GNB5: variants seen among roughly 807,000 people sequenced by gnomAD.
GNB5 encodes G protein subunit beta 5.
In GNB5, 37 loss-of-function variants were observed where a neutral mutation model predicts 55.3. That is an observed-to-expected ratio of 0.67 (90% confidence interval 0.51 to 0.88). The LOEUF is 0.88. Among genes scored for constraint, GNB5 ranks in the 40% least tolerant of loss-of-function variants. GNB5 has a pLI of 0.00. For missense variants in GNB5, 476 were observed against 515.3 expected (o/e 0.92, Z 0.74); for synonymous variants, 219 against 198.5 (o/e 1.10, Z -0.87).
intron 5 of GNB5, 39 bp from the exon 6 acceptor site, chr15:52,147,574 A>G: frequency 9.0e-7 from 1 of 1,108,970 alleles, no homozygotes. Flanking sequence ...GCACTTCCAC[A>G]CAAAAATCTT....
chr15:52,174,463 G>A (rs1047034687), intron 3 of GNB5, among the ~76,000 whole-genome samples: 3 of 152,130 alleles, frequency 2.0e-5, no homozygotes, highest in Non-Finnish European at 2.9e-5. Context: ...TGGGAGGAAG[G>A]GGAAAATGGG....
intron 3 of GNB5, among the ~76,000 whole-genome samples, chr15:52,178,979 G>A (rs1010800024): frequency 1.3e-5 from 2 of 152,220 alleles, no homozygotes; most frequent in Admixed American, 6.5e-5. Flanking sequence ...AAGCTCTGCT[G>A]AGGAGGAGCC....
chr15:52,177,352 A>C (rs2141237511), intron 3 of GNB5, among the ~76,000 whole-genome samples: 1 of 152,116 alleles, frequency 6.6e-6, no homozygotes, highest in South Asian at 2.1e-4. Flanking sequence ...TCTCTTAAAA[A>C]TAAAGATGAA....
At chr15:52,143,147 T>C (rs1350980267) in intron 6 of GNB5, among the ~76,000 whole-genome samples, 2 of 149,958 alleles carry the variant, frequency 1.3e-5, no homozygotes, top group African/African-American at 2.4e-5. Context: ...AGAGTGAGAT[T>C]CTTTGACTAA....
In GNB5 at chr15:52,116,897, C is replaced by G. The variant is rs1331975262; in HGVS notation, c.*5860G>C. 6.6e-6 allele frequency: 1 copy of G among 150,554 alleles called. No homozygotes were observed. The highest frequency in any genetic ancestry group is 1.5e-5 in the Non-Finnish European group (1 of 67,842). The allele number at this position is 150,554 out of a possible 1,614,324, so 9.3% of individuals were successfully genotyped here. Reference sequence around the variant, plus strand: ...CATTATGTAATCCTCCTCATTTTTTCCTTTAAAAACCTTTGTTTTTCTTTT... The same window carrying G: ...CATTATGTAATCCTCCTCATTTTTTGCTTTAAAAACCTTTGTTTTTCTTTT... On this transcript the variant is annotated 3_prime_UTR_variant, in exon 13 of 13. Coordinates refer to ENST00000261837, the MANE Select transcript of GNB5 (RefSeq NM_016194.4).
intron 9 of GNB5, among the ~76,000 whole-genome samples, chr15:52,130,972 T>C (rs1208829630): frequency 1.3e-5 from 2 of 152,220 alleles, no homozygotes; most frequent in Non-Finnish European, 2.9e-5. Flanking sequence ...ATTACAGTCA[T>C]GTGCCACCAC....
intron 6 of GNB5, among the ~76,000 whole-genome samples, chr15:52,145,589 G>A (rs1323360563): frequency 2.0e-5 from 3 of 152,130 alleles, no homozygotes; most frequent in Admixed American, 1.3e-4. Flanking sequence ...AGGTTGCAGA[G>A]AGCCGAGATC....
intron 7 of GNB5, 56 bp from the exon 8 acceptor site, chr15:52,135,812 G>A: frequency 1.3e-6 from 2 of 1,583,196 alleles, no homozygotes; most frequent in Non-Finnish European, 1.7e-6. Flanking sequence ...TATGCCGGGG[G>A]CAGTCAATCA....
Position 52,124,559 on chromosome 15 carries a change from A to G in GNB5, c.1090T>C (p.Phe364Leu), listed in dbSNP as rs760560123. 3 of 1,613,598 alleles carry G rather than the reference A, an allele frequency of 1.9e-6. No individual in the cohort carries two copies. In the African/African-American group the frequency reaches 4.0e-5, roughly 22 times the overall value. Residue 364 changes from phenylalanine (F) to leucine (L), a missense_variant, in exon 12 of 13, where the codon TTT becomes CTT. Coordinates refer to ENST00000261837, the MANE Select transcript of GNB5 (RefSeq NM_016194.4). Reference sequence around the variant, plus strand: ...GTGCTAACGCGGTTTTCATGTCCAAACAGGATGGAGACCCGGGACCCTTTG... The same window carrying G: ...GTGCTAACGCGGTTTTCATGTCCAAGCAGGATGGAGACCCGGGACCCTTTG... ...VLKGSRVSIL[F>L]GHENRVSTLR... is the part of the protein sequence containing the mutation.
intron 7 of GNB5, among the ~76,000 whole-genome samples, chr15:52,139,429 C>A (rs2033800724): frequency 6.6e-6 from 1 of 152,124 alleles, no homozygotes; most frequent in Non-Finnish European, 1.5e-5. Context: ...GTACTCCAGC[C>A]TGGGTACTAG....
chr15:52,164,678 CAA>C (rs1447211994), intron 3 of GNB5, among the ~76,000 whole-genome samples: 2 of 151,818 alleles, frequency 1.3e-5, no homozygotes, highest in Non-Finnish European at 2.9e-5. Flanking sequence ...ACATCATCAT[CAA>C]AAAGACTCCA....
chr15:52,146,785 A>T lies in GNB5; in HGVS notation c.494+674T>A, dbSNP rs2033986028. ...TGTAGAGACAAGGTATTATTATCAC[A>T]TTGCCCAAGCTGGTCTCGAACTCCT... On this transcript the variant is annotated intron_variant, in intron 6 of 12. Coordinates refer to ENST00000261837, the MANE Select transcript of GNB5 (RefSeq NM_016194.4). Among the ~76,000 whole-genome samples, 2 of 137,514 alleles carry T rather than the reference A, an allele frequency of 1.5e-5. 1 individual carries two copies. Among genetic ancestry groups the T allele is most frequent in the East Asian group, 4.2e-4 (2 of 4,786 alleles). The allele number at this position is 137,514 out of a possible 152,430, so 90.2% of individuals were successfully genotyped here.
At chr15:52,136,953 A>T (rs1364147469) in intron 7 of GNB5, 1 of 452,598 alleles carries the variant, frequency 2.2e-6, no homozygotes, top group Admixed American at 2.4e-5. Flanking sequence ...CTGGGAGAAA[A>T]GACTGTGAAT....
chr15:52,126,240 T>A, intron 10 of GNB5, 196 bp from the exon 11 acceptor site: 1 of 501,734 alleles, frequency 2.0e-6, no homozygotes. Context: ...AGAGTCCTGA[T>A]TCCTATTAAT....
At chr15:52,183,431 G>T (rs2034802903) in intron 2 of GNB5, among the ~76,000 whole-genome samples, 2 of 152,074 alleles carry the variant, frequency 1.3e-5, no homozygotes, top group Admixed American at 1.3e-4. Flanking sequence ...GTAGACTGTA[G>T]AAATATACTA....
intron 8 of GNB5, among the ~76,000 whole-genome samples, chr15:52,133,989 C>T (rs985920051): frequency 6.6e-6 from 1 of 152,220 alleles, no homozygotes; most frequent in African/African-American, 2.4e-5. Context: ...GTGCCCCGGG[C>T]CATCTGCACC....
intron 3 of GNB5, among the ~76,000 whole-genome samples, chr15:52,158,397 G>A (rs2034261118): frequency 6.6e-6 from 1 of 152,158 alleles, no homozygotes; most frequent in African/African-American, 2.4e-5. Context: ...TTTACTGAAG[G>A]AATAAATGAA....
At chr15:52,131,939 G>C (rs1596058958) in intron 9 of GNB5, among the ~76,000 whole-genome samples, 1 of 152,066 alleles carries the variant, frequency 6.6e-6, no homozygotes, top group Non-Finnish European at 1.5e-5. Flanking sequence ...TGTTTAACAG[G>C]CATCTCAAAC....
chr15:52,190,598 C>G (rs1302235033), intron 1 of GNB5, among the ~76,000 whole-genome samples: 1 of 151,978 alleles, frequency 6.6e-6, no homozygotes, highest in Admixed American at 6.6e-5. Context: ...CCTGACAACA[C>G]AAAGTGTGGG....
Sources: gnomAD v4.1 joint callset for allele counts (sites outside exome capture counted in the v4.1 genomes callset) on GRCh38, gnomAD v4.1.1 for gene constraint, MANE v1.5 for transcripts, NCBI Gene and HGNC (gene_info 2026-07-23, HGNC 2026-07-21) for gene names.